SLCO1B3: variants seen among roughly 807,000 people sequenced by gnomAD.
SLCO1B3 encodes liver-specific organic anion transporter 2.
Under a neutral mutation model 71.8 loss-of-function variants are expected in SLCO1B3, and 72 were observed. The observed-to-expected ratio is 1.00, with a 90% CI of 0.83 to 1.22. The LOEUF is 1.22. Ranked by LOEUF, SLCO1B3 falls within the 50% of genes most tolerant of loss-of-function variation. The pLI, the probability that SLCO1B3 is intolerant of heterozygous loss-of-function variation, is 0.00. For synonymous variants in SLCO1B3, 298 were observed against 278.4 expected (o/e 1.07, Z -0.70); for missense variants, 911 against 819.7 (o/e 1.11, Z -1.36).
intron 8 of SLCO1B3, among the ~76,000 whole-genome samples, chr12:20,864,366 G>A (rs1172406326): frequency 6.6e-6 from 1 of 152,076 alleles, no homozygotes; most frequent in Non-Finnish European, 1.5e-5. Flanking sequence ...TAACTCATCA[G>A]GGTTTGTGAA....
chr12:20,905,846 A>G (rs1866233262), intron 15 of SLCO1B3, among the ~76,000 whole-genome samples: 1 of 152,198 alleles, frequency 6.6e-6, no homozygotes. Context: ...ACTCAGTTCC[A>G]AAGTTGTTTC....
chr12:20,873,965 C>T (rs1035373759), intron 8 of SLCO1B3, among the ~76,000 whole-genome samples: 5 of 152,126 alleles, frequency 3.3e-5, no homozygotes, highest in African/African-American at 9.7e-5. Context: ...CATAGTATTC[C>T]ATGGTGTATA....
intron 15 of SLCO1B3, among the ~76,000 whole-genome samples, chr12:20,910,631 T>G (rs1430529021): frequency 6.6e-6 from 1 of 152,196 alleles, no homozygotes; most frequent in Admixed American, 6.5e-5. Context: ...TTTGATTTCT[T>G]TCATCAGAGT....
intron 13 of SLCO1B3, among the ~76,000 whole-genome samples, chr12:20,893,242 C>G (rs1194815386): frequency 6.6e-6 from 1 of 151,992 alleles, no homozygotes; most frequent in Admixed American, 6.6e-5. Context: ...GAAAAGAGGT[C>G]AAGAAACTGA....
intron 15 of SLCO1B3, among the ~76,000 whole-genome samples, chr12:20,905,853 T>C (rs1565609116): frequency 1.3e-5 from 2 of 152,240 alleles, no homozygotes; most frequent in Admixed American, 6.5e-5. Flanking sequence ...TCCAAAGTTG[T>C]TTCCACATTT....
chr12:20,857,447 CTCTTT>C lies in SLCO1B3; in HGVS notation c.227-986_227-982del, dbSNP rs1292799139. Among the ~76,000 whole-genome samples, 11 of 151,218 alleles carry C rather than the reference CTCTTT, an allele frequency of 7.3e-5. 1 individual carries two copies. Among genetic ancestry groups the C allele is most frequent in the Non-Finnish European group, 1.5e-4 (10 of 67,784 alleles). On this transcript the variant is annotated intron_variant, in intron 4 of 15. Coordinates refer to ENST00000381545, the MANE Select transcript of SLCO1B3 (RefSeq NM_019844.4). ...AAAATTTTTTCCTCTGAATTTCTAC[CTCTTT>C]TCTTTATGTTTCATCAATTTTCTCT...
At chr12:20,841,605 C>G (rs996808917) in intron 3 of SLCO1B3, among the ~76,000 whole-genome samples, 3 of 152,038 alleles carry the variant, frequency 2.0e-5, no homozygotes, top group Non-Finnish European at 2.9e-5. Flanking sequence ...TCAGGGGGTA[C>G]ATATGCAGGT....
At chr12:20,834,862 A>G (rs1302276620) in intron 3 of SLCO1B3, among the ~76,000 whole-genome samples, 2 of 152,144 alleles carry the variant, frequency 1.3e-5, no homozygotes, top group East Asian at 3.9e-4. Context: ...TCCACTAGGC[A>G]GTGCCCCAGT....
At chr12:20,892,435 TAGCATGCTTACATACTGATGAGAATCA>T (rs1417953829) in intron 13 of SLCO1B3, among the ~76,000 whole-genome samples, 2 of 152,072 alleles carry the variant, frequency 1.3e-5, no homozygotes, top group African/African-American at 4.8e-5. Context: ...CTAGACGTAA[TAGCATGCTTACATACTGATGAGAATCA>T]TCAGTAGAGA....
intron 13 of SLCO1B3, among the ~76,000 whole-genome samples, chr12:20,896,040 T>A (rs1565605763): frequency 6.6e-6 from 1 of 152,180 alleles, no homozygotes; most frequent in East Asian, 1.9e-4. Flanking sequence ...CTGGAGCAGC[T>A]GGGATGCAGG....
At position 20,879,523 on chromosome 12, in the gene SLCO1B3, C is replaced by A; in HGVS notation, c.1223C>A (p.Ala408Asp). 2 of 1,611,410 alleles carry A rather than the reference C, an allele frequency of 1.2e-6. No homozygotes were observed. The highest frequency in any genetic ancestry group is 1.7e-6 in the Non-Finnish European group (2 of 1,177,912). ...TTCAAATTGTCTTTAGTTGGAATTG[C>A]CAAATTTTCATTTCTTACTTCGATG... ...KKFKLSLVGI[A>D]KFSFLTSMIS... The change falls in exon 11 of 16, where the codon GCC becomes GAC. Residue 408 changes from alanine to aspartate, a missense_variant. Transcript: ENST00000381545.
intron 3 of SLCO1B3, among the ~76,000 whole-genome samples, chr12:20,818,117 A>G (rs1417825625): frequency 1.3e-5 from 2 of 152,132 alleles, no homozygotes; most frequent in African/African-American, 4.8e-5. Flanking sequence ...ACTGGGGCCT[A>G]ATAAAAAGGA....
At chr12:20,833,329 T>A (rs981149007) in intron 3 of SLCO1B3, among the ~76,000 whole-genome samples, 7 of 151,908 alleles carry the variant, frequency 4.6e-5, no homozygotes, top group African/African-American at 1.7e-4. Context: ...GACCTGGATG[T>A]CTTTAAGGGT....
At position 20,890,488 on chromosome 12, in the gene SLCO1B3, G is replaced by A. The variant is rs560646898; in HGVS notation, c.1682+6886G>A. ...TGAGAAGAATGTATATTCTGAGGTT[G>A]TAGGGTAAAATGTTCTGTAAAATGT... On this transcript the variant is annotated intron_variant, in intron 13 of 15. Coordinates refer to ENST00000381545, the MANE Select transcript of SLCO1B3 (RefSeq NM_019844.4). Among the ~76,000 whole-genome samples the A allele has an allele frequency of 1.7e-4, 26 of 152,324 alleles. No homozygotes were observed. The South Asian group carries it at 5.4e-3, about 32-fold the overall frequency.
At chr12:20,866,070 G>A (rs915908602) in intron 8 of SLCO1B3, among the ~76,000 whole-genome samples, 4 of 152,036 alleles carry the variant, frequency 2.6e-5, no homozygotes, top group Admixed American at 6.6e-5. Flanking sequence ...TGTTTTCTGC[G>A]TATTTTTCAT....
chr12:20,884,882 C>A (rs546324851), intron 13 of SLCO1B3, among the ~76,000 whole-genome samples: 1 of 152,070 alleles, frequency 6.6e-6, no homozygotes, highest in South Asian at 2.1e-4. Flanking sequence ...TGCAAATTTT[C>A]TTAAATTCAT....
At chr12:20,877,750 T>C (rs747222152) in intron 9 of SLCO1B3, 22 bp from the exon 10 acceptor site, 1 of 1,117,594 alleles carries the variant, frequency 8.9e-7, no homozygotes, top group South Asian at 2.6e-5. Context: ...TATTGAAATA[T>C]GTTATTTTTA....
intron 13 of SLCO1B3, among the ~76,000 whole-genome samples, chr12:20,896,021 C>T (rs1202512330): frequency 6.6e-6 from 1 of 152,212 alleles, no homozygotes; most frequent in African/African-American, 2.4e-5. Context: ...TGGTCCCTTT[C>T]AGCCACAGCT....
chr12:20,823,334 AAAG>A (rs532342560), intron 3 of SLCO1B3, among the ~76,000 whole-genome samples: 2 of 152,234 alleles, frequency 1.3e-5, no homozygotes, highest in Non-Finnish European at 2.9e-5. Context: ...GGAAAGGAGA[AAAG>A]AAAGAAAAAA....
Sources: allele counts gnomAD v4.1 joint callset (sites outside exome capture counted in the v4.1 genomes callset), GRCh38; gene constraint gnomAD v4.1.1; transcripts MANE v1.5; gene names NCBI Gene and HGNC (gene_info 2026-07-23, HGNC 2026-07-21).